PDE6B: variants seen among roughly 807,000 people sequenced by gnomAD.
The protein encoded by PDE6B is phosphodiesterase 6B, also known as rod cGMP-specific 3',5'-cyclic phosphodiesterase subunit beta.
A neutral mutation model predicts 109.0 loss-of-function variants in PDE6B; 106 were observed. The ratio of observed to expected loss-of-function variants is 0.97; its 90% CI spans 0.83 to 1.14. PDE6B has a LOEUF of 1.14. PDE6B is among the 50% of genes most tolerant of loss of function. PDE6B has a pLI of 0.00. For synonymous variants in PDE6B, 490 were observed against 471.3 expected, an observed-to-expected ratio of 1.04 and a Z score of -0.51; for missense variants, 1,193 against 1,155.6, an observed-to-expected ratio of 1.03 and a Z score of -0.47.
intron 1 of PDE6B, among the ~76,000 whole-genome samples, chr4:631,231 C>A (rs1734368517): frequency 6.6e-6 from 1 of 152,168 alleles, no homozygotes; most frequent in Admixed American, 6.5e-5. Flanking sequence ...CCCATACTTT[C>A]TTTGTGAAAC....
rs956594424 is a variant in PDE6B at position 633,050 on chromosome 4, G to A, written c.469-1627G>A. Among the ~76,000 whole-genome samples the A allele has an allele frequency of 6.6e-6, 1 of 152,114 alleles. No homozygotes were observed. Among genetic ancestry groups the A allele is most frequent in the Admixed American group, 6.5e-5 (1 of 15,280 alleles). ...ACATGGTGGCCACTGTAGCACTGAC[G>A]GCTGGTGGAGGAGACACTGTCCAAA... On this transcript the variant is annotated intron_variant, in intron 1 of 21. Coordinates refer to ENST00000496514, the MANE Select transcript of PDE6B (RefSeq NM_000283.4). This position sits in a 1 kb window ranked among gnomAD's most constrained non-coding sequence, Gnocchi z 4.5.
At position 666,737 on chromosome 4, in the gene PDE6B, G is replaced by A; in HGVS notation, c.2352+123G>A. On this transcript the variant is annotated intron_variant, in intron 20 of 21. Transcript: ENST00000496514. This position sits in a 1 kb window ranked among gnomAD's most constrained non-coding sequence, Gnocchi z 5.6. ...GCGGTGTCCTCACTGGAGTAGGGAT[G>A]CCAGTGCCAGCTTCGTGCCGCTCTT... The A allele has an allele frequency of 2.8e-6, 2 of 720,110 alleles. No individual in the cohort carries two copies. Among genetic ancestry groups the A allele is most frequent in the Non-Finnish European group, 5.1e-6 (2 of 389,402 alleles). The allele number at this position is 720,110 out of a possible 1,614,324, so 44.6% of individuals were successfully genotyped here.
intron 17 of PDE6B, 36 bp from the exon 18 acceptor site, chr4:664,845 C>T (rs769384508): frequency 5.8e-6 from 9 of 1,554,488 alleles, no homozygotes; most frequent in Middle Eastern, 1.7e-4. Context: ...CCTCAGGAGA[C>T]GCCCATCAGC....
rs999470387 is a variant in PDE6B at position 648,442 on chromosome 4, A to G, written c.712-5410A>G. Among the ~76,000 whole-genome samples, 16 of 152,154 alleles carry G rather than the reference A, an allele frequency of 1.1e-4. No individual in the cohort carries two copies. Among genetic ancestry groups the G allele is most frequent in the African/African-American group, 3.4e-4 (14 of 41,418 alleles). ...AAGATTGGCCCCCGCAGTCCGCCCA[A>G]CGCCTGCACTTCGTCTGCCTCCTCC... On this transcript the variant is annotated intron_variant, in intron 3 of 21. Coordinates refer to ENST00000496514, the MANE Select transcript of PDE6B (RefSeq NM_000283.4). The surrounding 1 kb of genome is among the most constrained non-coding windows in gnomAD (Gnocchi z 4.5).
chr4:656,334 AAG>A (rs1429884422), intron 8 of PDE6B, 42 bp downstream of exon 8: 1 of 1,267,370 alleles, frequency 7.9e-7, no homozygotes, highest in East Asian at 2.3e-5. Context: ...TTACTTACAA[AAG>A]AGGAGATTTT....
At chr4:641,593 T>C (rs1281588049) in intron 3 of PDE6B, among the ~76,000 whole-genome samples, 1 of 152,220 alleles carries the variant, frequency 6.6e-6, no homozygotes, top group African/African-American at 2.4e-5. Context: ...GGGGGACCCA[T>C]GAGGCCCTGA....
chr4:630,219 C>G (rs370651023), intron 1 of PDE6B, among the ~76,000 whole-genome samples: 2 of 151,988 alleles, frequency 1.3e-5, no homozygotes, highest in Non-Finnish European at 2.9e-5. Context: ...ACAGGGAGGC[C>G]GAGGGATCCA....
At position 665,789 on chromosome 4, in the gene PDE6B, GGA is replaced by G. The variant is rs1169228248; in HGVS notation, c.2268+464_2268+465del. ...GCAGCAGGAGAGGTGCCAGCAAATG[GGA>G]GAGTCAGGATAGGCGCCAGGAACAG... On this transcript the variant is annotated intron_variant, in intron 19 of 21. Coordinates refer to ENST00000496514, the MANE Select transcript of PDE6B (RefSeq NM_000283.4). This position sits in a 1 kb window ranked among gnomAD's most constrained non-coding sequence, Gnocchi z 4.0. Among the ~76,000 whole-genome samples the G allele has an allele frequency of 6.6e-6, 1 of 152,188 alleles. No homozygotes were observed. The highest frequency in any genetic ancestry group is 2.4e-5 in the African/African-American group (1 of 41,452).
intron 1 of PDE6B, among the ~76,000 whole-genome samples, chr4:632,381 G>A (rs186019589): frequency 6.6e-6 from 1 of 152,152 alleles, no homozygotes; most frequent in Non-Finnish European, 1.5e-5. Context: ...ATCATGTTGT[G>A]TGGATCCATG....
chr4:664,549 G>A (rs1716171639), intron 17 of PDE6B, among the ~76,000 whole-genome samples: 2 of 152,172 alleles, frequency 1.3e-5, no homozygotes, highest in Admixed American at 6.5e-5. Flanking sequence ...GACCCAGTGA[G>A]AAAATACACA....
chr4:660,421 G>A (rs1736921562), intron 11 of PDE6B, 46 bp from the exon 12 acceptor site: 2 of 1,600,644 alleles, frequency 1.2e-6, no homozygotes, highest in African/African-American at 1.3e-5. Context: ...AAGCAAGTGG[G>A]GGCTGTGGCA....
rs1292725792 is a variant in PDE6B at position 626,385 on chromosome 4, C to T, written c.468+291C>T. Reference sequence around the variant, plus strand: ...CAGACTCAGGCTCAAACCGGGGTGCCCCTGATTCTGCATCCACATCCCATG... The same window carrying T: ...CAGACTCAGGCTCAAACCGGGGTGCTCCTGATTCTGCATCCACATCCCATG... On this transcript the variant is annotated intron_variant, in intron 1 of 21. Transcript: ENST00000496514. This position sits in a 1 kb window ranked among gnomAD's most constrained non-coding sequence, Gnocchi z 4.6. 6.6e-6 allele frequency among the ~76,000 whole-genome samples: 1 copy of T among 152,190 alleles called. No homozygotes were observed. Among genetic ancestry groups the T allele is most frequent in the Non-Finnish European group, 1.5e-5 (1 of 68,036 alleles).
chr4:653,919 CCTT>C lies in PDE6B; in HGVS notation c.782_784del (p.Phe261del). ...GACATCGAGAGGCAGTTCCACAAGG[CCTT>C]CTACACGGTGCGGGCCTACCTCAAC... is the stretch of plus-strand genomic sequence containing the variant. On this transcript the variant is annotated inframe_deletion, in exon 4 of 22. Coordinates refer to ENST00000496514, the MANE Select transcript of PDE6B (RefSeq NM_000283.4). The C allele has an allele frequency of 6.2e-7, 1 of 1,613,832 alleles. No individual in the cohort carries two copies.
chr4:629,400 C>T (rs190488730), intron 1 of PDE6B, among the ~76,000 whole-genome samples: 321 of 152,328 alleles, frequency 2.1e-3, no homozygotes, highest in Non-Finnish European at 2.6e-3. Context: ...CACCAAGTGG[C>T]GGGGCAGGAC....
Position 657,381 on chromosome 4 carries a change from A to G in PDE6B, c.1288A>G (p.Met430Val), listed in dbSNP as rs554095276. 4.3e-6 allele frequency: 7 copies of G among 1,613,122 alleles called. No homozygotes were observed. In the South Asian group the frequency reaches 7.7e-5, roughly 18 times the overall value. Residue 430 changes from methionine to valine, a missense_variant, in exon 10 of 22, where the codon ATG becomes GTG. Transcript: ENST00000496514. The stretch of plus-strand genomic sequence containing the variant: ...GACACAGTTCCTGGGCTGGTCAGTG[A>G]TGAACACCGACACCTACGACAAGAT... ...SLTQFLGWSVMNTDTYDKMNK... is the reference protein window; with the variant it reads ...SLTQFLGWSVVNTDTYDKMNK...
intron 6 of PDE6B, chr4:655,366 C>T: frequency 3.6e-6 from 1 of 279,752 alleles, no homozygotes; most frequent in Non-Finnish European, 6.9e-6. Flanking sequence ...AGCTGGTGGC[C>T]CAGTGGCCCT....
intron 6 of PDE6B, chr4:655,251 C>A: frequency 2.8e-6 from 1 of 352,398 alleles, no homozygotes; most frequent in Non-Finnish European, 5.4e-6. Context: ...CCCACCCAGA[C>A]AGTGGAGCCT....
chr4:639,616 G>A (rs886729766), intron 3 of PDE6B, among the ~76,000 whole-genome samples: 4 of 152,218 alleles, frequency 2.6e-5, no homozygotes, highest in Non-Finnish European at 5.9e-5. Context: ...GTGCAGAACT[G>A]GAAACTGTCA....
At chr4:630,133 C>T (rs1467077215) in intron 1 of PDE6B, among the ~76,000 whole-genome samples, 2 of 152,162 alleles carry the variant, frequency 1.3e-5, no homozygotes, top group African/African-American at 4.8e-5. Context: ...CCAGCAGGGG[C>T]CACGTGTTAA....
Sources: gnomAD v4.1 joint callset for allele counts (sites outside exome capture counted in the v4.1 genomes callset) on GRCh38, gnomAD v4.1.1 for gene constraint, Gnocchi (gnomAD v3.1) non-coding constraint, MANE v1.5 for transcripts, NCBI Gene and HGNC (gene_info 2026-07-23, HGNC 2026-07-21) for gene names.